The following PSRC1 variants were observed in gnomAD, a reference collection of about 807,000 sequenced individuals.
PSRC1 encodes the protein proline and serine rich coiled-coil 1, also known as proline/serine-rich coiled-coil protein 1.
In PSRC1, 30 loss-of-function variants were observed where a neutral mutation model predicts 31.9. The observed-to-expected ratio is 0.94, with a 90% CI of 0.70 to 1.28. The LOEUF (loss-of-function observed/expected upper bound fraction) is 1.28. Ranked by LOEUF, PSRC1 falls within the 50% of genes most tolerant of loss-of-function variation. The pLI is 0.00. For synonymous variants in PSRC1, 191 were observed against 192.1 expected (o/e 0.99, Z 0.05); for missense variants, 481 against 472.8 (o/e 1.02, Z -0.16).
At chr1:109,281,836 T>A (rs770308518) in exon 4 of PSRC1, 80 of 1,613,802 alleles carry the variant, frequency 5.0e-5, no homozygotes, top group Non-Finnish European at 6.1e-5. Context: ...CCCCAGGCCC[T>A]CGCCTGCGCT....
At chr1:109,279,910 C>G (rs1438005194) in exon 7 of PSRC1, 1 of 596,860 alleles carries the variant, frequency 1.7e-6, no homozygotes, top group Non-Finnish European at 3.0e-6. Context: ...CATTTCACTG[C>G]TGGAAGGTGA....
At position 109,281,055 on chromosome 1, in the gene PSRC1, GA is replaced by G. The variant is rs751535048; in HGVS notation, c.715del (p.Ser239LeufsTer100). 4.3e-6 allele frequency: 7 copies of G among 1,613,286 alleles called. No homozygotes were observed. The highest frequency in any genetic ancestry group is 5.9e-6 in the Non-Finnish European group (7 of 1,179,882). ...GATGGGGGTGGGTGGGCCTGGTGGAGAGGGGTGGAGAAATTTCAGGGTCAAT... is the reference window on the plus strand; with the variant it reads ...GATGGGGGTGGGTGGGCCTGGTGGAGGGGGTGGAGAAATTTCAGGGTCAAT... On this transcript the variant is annotated frameshift_variant, in exon 5 of 7. Coordinates refer to ENST00000409138, the Ensembl canonical transcript of PSRC1. LOFTEE classifies it high-confidence loss of function.
exon 5 of PSRC1, chr1:109,281,007 G>A (rs751091374): frequency 1.2e-6 from 2 of 1,610,390 alleles, no homozygotes; most frequent in African/African-American, 2.7e-5. Context: ...GCTGGTAGAA[G>A]GCTGTGGGGC....
intron 3 of PSRC1, 114 bp downstream of exon 3, chr1:109,282,404 C>T (rs1210565405): frequency 2.1e-6 from 2 of 954,724 alleles, no homozygotes; most frequent in East Asian, 2.6e-5. Context: ...CCCAGCAGCC[C>T]CAAGTGCGCC....
chr1:109,281,274 A>G, intron 4 of PSRC1, 23 bp from the exon 5 acceptor site: 1 of 1,530,930 alleles, frequency 6.5e-7, no homozygotes, highest in Non-Finnish European at 8.8e-7. Context: ...GAGAGAGAGA[A>G]AAAAGACTAG....
intron 1 of PSRC1, 156 bp from the exon 2 acceptor site, chr1:109,282,892 G>T: frequency 1.5e-6 from 1 of 664,134 alleles, no homozygotes; most frequent in Non-Finnish European, 2.6e-6. Context: ...CTCCGGGAAC[G>T]ATACGGAGGG....
rs377167010 is a variant in PSRC1, at chr1:109,282,509, G to A, written c.77+9C>T. ...TAGAGGAAAATAAGTGGGATAAAGA[G>A]GCTGGTACCTGTCAGATGGTGACAG... On this transcript the variant is annotated intron_variant, in intron 3 of 6. Transcript: ENST00000409138. The A allele has an allele frequency of 3.1e-6, 5 of 1,611,672 alleles. No individual in the cohort carries two copies. In the African/African-American group the frequency reaches 6.7e-5, roughly 22 times the overall value.
At chr1:109,279,807 C>T in exon 7 of PSRC1, 1 of 333,900 alleles carries the variant, frequency 3.0e-6, no homozygotes, top group African/African-American at 2.1e-5. Flanking sequence ...GAACCAATGC[C>T]AAGGAAGAAG....
At chr1:109,279,934 A>G in exon 7 of PSRC1, 1 of 646,318 alleles carries the variant, frequency 1.5e-6, no homozygotes, top group Non-Finnish European at 2.8e-6. Flanking sequence ...CTTTTCCCCT[A>G]ATCTTCTTTC....
At chr1:109,280,530 TTAAC>T in intron 5 of PSRC1, 41 bp from the exon 7 acceptor site, 1 of 1,510,814 alleles carries the variant, frequency 6.6e-7, no homozygotes, top group Middle Eastern at 1.7e-4. Context: ...AGCAGCAAGT[TTAAC>T]TGACCTCGAA....
chr1:109,280,342 C>A, intron 6 of PSRC1, 54 bp downstream of exon 7: 1 of 1,501,830 alleles, frequency 6.7e-7, no homozygotes, highest in South Asian at 1.2e-5. Flanking sequence ...AGCTTGGAAT[C>A]CCAGATGATG....
intron 5 of PSRC1, 73 bp from the exon 7 acceptor site, chr1:109,280,562 G>A (rs766654065): frequency 3.9e-6 from 5 of 1,284,954 alleles, no homozygotes; most frequent in Non-Finnish European, 4.4e-6. Flanking sequence ...ACTGGATGAA[G>A]GGAGCGAGTG....
Position 109,280,505 on chromosome 1 carries a change from CAAAA to C in PSRC1, c.995-20_995-17del, listed in dbSNP as rs763187331. ...GAAACAGGAACTTCATGGGGGTTAA[CAAAA>C]GAAATGAGTTAGCAGCAAGTTTAAC... is the stretch of plus-strand genomic sequence containing the variant. On this transcript the variant is annotated splice_polypyrimidine_tract_variant and intron_variant, in intron 5 of 6. Coordinates refer to ENST00000409138, the Ensembl canonical transcript of PSRC1. The C allele has an allele frequency of 6.3e-7, 1 of 1,598,692 alleles. No individual in the cohort carries two copies. Among genetic ancestry groups the C allele is most frequent in the Non-Finnish European group, 8.5e-7 (1 of 1,170,782 alleles).
exon 5 of PSRC1, chr1:109,280,992 G>C (rs762318401): frequency 1.7e-5 from 27 of 1,610,634 alleles, no homozygotes; most frequent in Non-Finnish European, 2.2e-5. Flanking sequence ...CAGGCGTTGA[G>C]AGTTGCTGGT....
intron 6 of PSRC1, 83 bp downstream of exon 7, chr1:109,280,313 C>T: frequency 6.9e-7 from 1 of 1,439,106 alleles, no homozygotes; most frequent in Non-Finnish European, 9.7e-7. Context: ...ATACAAAATT[C>T]AGGGCTGATG....
At chr1:109,281,726 T>C (rs758653868) in exon 4 of PSRC1, 1 of 1,613,588 alleles carries the variant, frequency 6.2e-7, no homozygotes, top group South Asian at 1.1e-5. Context: ...GGGGAGGGGG[T>C]GCTCCGCGTC....
exon 4 of PSRC1, chr1:109,281,786 C>T (rs1277254723): frequency 1.9e-6 from 3 of 1,614,112 alleles, no homozygotes; most frequent in Admixed American, 3.3e-5. Context: ...TCCTTCAGCA[C>T]AAAGGTCTCC....
At chr1:109,280,549 A>G in intron 5 of PSRC1, 60 bp from the exon 7 acceptor site, 1 of 1,391,864 alleles carries the variant, frequency 7.2e-7, no homozygotes, top group Non-Finnish European at 1.0e-6. Flanking sequence ...CTCGAAAAGA[A>G]ATACTGGATG....
chr1:109,280,475 G>T, exon 6 of PSRC1: 1 of 1,612,914 alleles, frequency 6.2e-7, no homozygotes, highest in Non-Finnish European at 8.5e-7. Context: ...AGATTTAGTC[G>T]CTGGGAAACA....
Sources: allele counts gnomAD v4.1 joint callset, GRCh38; gene constraint gnomAD v4.1.1; transcripts MANE v1.5; gene names NCBI Gene and HGNC (gene_info 2026-07-23, HGNC 2026-07-21).